The following PLCB1 variants were observed in gnomAD, a reference collection of about 807,000 sequenced individuals.
PLCB1 encodes the protein phospholipase C beta 1.
A neutral mutation model predicts 161.8 loss-of-function variants in PLCB1; 46 were observed. The observed-to-expected ratio is 0.28, with a 90% CI of 0.22 to 0.36. The LOEUF (loss-of-function observed/expected upper bound fraction) is 0.36, where lower values mean the gene tolerates loss of function less well. Among genes scored for constraint, PLCB1 ranks in the 10% least tolerant of loss-of-function variants. PLCB1 has a pLI of 1.00. For missense variants in PLCB1, 1,016 were observed against 1,472.5 expected (o/e 0.69, Z 5.07); for synonymous variants, 517 against 503.7 (o/e 1.03, Z -0.35).
intron 3 of PLCB1, among the ~76,000 whole-genome samples, chr20:8,417,418 C>T (rs1979350100): frequency 6.6e-6 from 1 of 150,778 alleles, no homozygotes; most frequent in Admixed American, 6.6e-5. Flanking sequence ...TTGATCTTAG[C>T]ACTAGGACTC....
chr20:8,605,610 CTTTTTTTT>C (rs74685527), intron 3 of PLCB1, among the ~76,000 whole-genome samples: 1 of 88,286 alleles, frequency 1.1e-5, no homozygotes, highest in African/African-American at 3.8e-5. Flanking sequence ...TTGGTGTTTT[CTTTTTTTT>C]TTTTTTTTTT....
intron 2 of PLCB1, among the ~76,000 whole-genome samples, chr20:8,216,989 C>T (rs890175821): frequency 2.6e-5 from 4 of 152,114 alleles, no homozygotes; most frequent in Admixed American, 2.0e-4. Flanking sequence ...TCCTCTTGTG[C>T]GTGGCTCACC....
chr20:8,158,201 A>C (rs2123045222), intron 2 of PLCB1, among the ~76,000 whole-genome samples: 1 of 152,354 alleles, frequency 6.6e-6, no homozygotes, highest in Admixed American at 6.5e-5. Flanking sequence ...AATTCCTTTG[A>C]CTTTGTTACA....
intron 3 of PLCB1, among the ~76,000 whole-genome samples, chr20:8,528,624 T>C (rs1009810369): frequency 2.0e-5 from 3 of 151,940 alleles, no homozygotes; most frequent in Non-Finnish European, 2.9e-5. Context: ...ATCTGCCCAG[T>C]AAAAATGTAA....
At position 8,132,597 on chromosome 20, in the gene PLCB1, G is replaced by T. The variant is rs1013651706; in HGVS notation, c.-55G>T. 1.3e-5 allele frequency: 15 copies of T among 1,182,910 alleles called. No homozygotes were observed. The highest frequency in any genetic ancestry group is 1.1e-4 in the African/African-American group (7 of 61,602). 73.3% of individuals were successfully genotyped at this position (1,182,910 alleles called of 1,614,324 possible). On this transcript the variant is annotated 5_prime_UTR_variant, in exon 1 of 32. Transcript: ENST00000338037. The surrounding 1 kb of genome is among the most constrained non-coding windows in gnomAD (Gnocchi z 5.2). ...GCCCCGCGCCCCGCGCCCCGCGCACGGTCCCCAGTCCCTGCCGCGCTCGCC... is the reference window on the plus strand; with the variant it reads ...GCCCCGCGCCCCGCGCCCCGCGCACTGTCCCCAGTCCCTGCCGCGCTCGCC...
At chr20:8,656,547 T>C (rs1045691460) in intron 7 of PLCB1, among the ~76,000 whole-genome samples, 5 of 152,038 alleles carry the variant, frequency 3.3e-5, no homozygotes, top group African/African-American at 9.7e-5. Flanking sequence ...AAATAAGTCA[T>C]AGAAGTGGCC....
At chr20:8,402,005 CTATCTTGG>C (rs1304250928) in intron 3 of PLCB1, among the ~76,000 whole-genome samples, 1 of 152,150 alleles carries the variant, frequency 6.6e-6, no homozygotes, top group Non-Finnish European at 1.5e-5. Flanking sequence ...ATTTGGAATG[CTATCTTGG>C]TTATACACTG....
At chr20:8,266,923 C>T (rs1600273991) in intron 2 of PLCB1, among the ~76,000 whole-genome samples, 1 of 152,100 alleles carries the variant, frequency 6.6e-6, no homozygotes, top group African/African-American at 2.4e-5. Context: ...CCCATAATTC[C>T]AGCTACTTGG....
At chr20:8,405,242 G>A (rs1050386834) in intron 3 of PLCB1, among the ~76,000 whole-genome samples, 1 of 152,076 alleles carries the variant, frequency 6.6e-6, no homozygotes, top group South Asian at 2.1e-4. Flanking sequence ...ATGTTTCGAG[G>A]TCATCTGGCT....
chr20:8,383,812 T>A (rs1187263461), intron 3 of PLCB1, among the ~76,000 whole-genome samples: 1 of 152,212 alleles, frequency 6.6e-6, no homozygotes, highest in Admixed American at 6.5e-5. Flanking sequence ...AATTCTGGGT[T>A]GAAAAGTGTT....
intron 2 of PLCB1, among the ~76,000 whole-genome samples, chr20:8,276,007 T>C (rs2123272932): frequency 6.6e-6 from 1 of 152,270 alleles, no homozygotes; most frequent in African/African-American, 2.4e-5. Context: ...ATTTTTCCTC[T>C]TGATTTATTT....
At chr20:8,457,662 C>T (rs755717823) in intron 3 of PLCB1, among the ~76,000 whole-genome samples, 1 of 151,682 alleles carries the variant, frequency 6.6e-6, no homozygotes. Flanking sequence ...GCATGATATT[C>T]CTGGTCTCTT....
intron 3 of PLCB1, among the ~76,000 whole-genome samples, chr20:8,442,234 A>G (rs1396265543): frequency 6.6e-6 from 1 of 152,228 alleles, no homozygotes; most frequent in Non-Finnish European, 1.5e-5. Context: ...ACATGAGATG[A>G]TAATTTCTAA....
intron 2 of PLCB1, among the ~76,000 whole-genome samples, chr20:8,202,819 G>A (rs948466144): frequency 2.0e-5 from 3 of 152,166 alleles, no homozygotes; most frequent in Admixed American, 6.5e-5. Context: ...AGGGAGCACA[G>A]GGATGGAAAT....
chr20:8,619,893 G>C (rs1255750885), intron 3 of PLCB1, among the ~76,000 whole-genome samples: 1 of 152,162 alleles, frequency 6.6e-6, no homozygotes, highest in Non-Finnish European at 1.5e-5. Flanking sequence ...TAAGTAAATG[G>C]ATATACATAC....
At position 8,434,001 on chromosome 20, in the gene PLCB1, A is replaced by G. The variant is rs140573794; in HGVS notation, c.246+62551A>G. Among the ~76,000 whole-genome samples, 530 of 152,326 alleles carry G rather than the reference A, an allele frequency of 3.5e-3. 2 individuals carry two copies. Among genetic ancestry groups the G allele is most frequent in the African/African-American group, 0.012 (509 of 41,568 alleles). On this transcript the variant is annotated intron_variant, in intron 3 of 31. Coordinates refer to ENST00000338037, the MANE Select transcript of PLCB1 (RefSeq NM_015192.4). The stretch of plus-strand genomic sequence containing the variant: ...GCCCTTATTACCAGAAAACTACAAG[A>G]TGATTTTCAATCACAGTGAGGATTA...
At chr20:8,147,777 A>G (rs1404414628) in intron 1 of PLCB1, among the ~76,000 whole-genome samples, 1 of 152,102 alleles carries the variant, frequency 6.6e-6, no homozygotes, top group Non-Finnish European at 1.5e-5. Flanking sequence ...AAGAAGGGTT[A>G]ATTTTGAAGG....
At chr20:8,780,302 T>A (rs1191382873) in intron 27 of PLCB1, among the ~76,000 whole-genome samples, 1 of 152,128 alleles carries the variant, frequency 6.6e-6, no homozygotes, top group Admixed American at 6.5e-5. Context: ...TTCGTTGTAA[T>A]GTTAAGGAGT....
At chr20:8,207,692 C>T (rs1005223312) in intron 2 of PLCB1, among the ~76,000 whole-genome samples, 8 of 152,030 alleles carry the variant, frequency 5.3e-5, no homozygotes, top group Non-Finnish European at 8.8e-5. Context: ...GGAATTCTCC[C>T]ACCTCAGACT....
Sources: allele counts gnomAD v4.1 joint callset (sites outside exome capture counted in the v4.1 genomes callset), GRCh38; gene constraint gnomAD v4.1.1; non-coding constraint Gnocchi (gnomAD v3.1); transcripts MANE v1.5; gene names NCBI Gene and HGNC (gene_info 2026-07-23, HGNC 2026-07-21).